The following XPR1 variants were observed in gnomAD, a reference collection of about 807,000 sequenced individuals.
The protein encoded by XPR1 is solute carrier family 53 member 1.
In XPR1, 28 loss-of-function variants were observed where a neutral mutation model predicts 87.5. That is an observed-to-expected ratio of 0.32 (90% confidence interval 0.24 to 0.44). The LOEUF is 0.44. Ranked by LOEUF, XPR1 falls within the 20% of genes least tolerant of loss-of-function variation. The pLI is 1.00. For missense variants in XPR1, 559 were observed against 862.3 expected (o/e 0.65, Z 4.41); for synonymous variants, 300 against 306.1 (o/e 0.98, Z 0.21).
chr1:180,873,455 G>C (rs188202419), intron 12 of XPR1, among the ~76,000 whole-genome samples: 1 of 152,300 alleles, frequency 6.6e-6, no homozygotes, highest in East Asian at 1.9e-4. Flanking sequence ...TACTGTACCT[G>C]TTAGAATGTA....
chr1:180,808,139 A>G (rs1179489477), intron 6 of XPR1, among the ~76,000 whole-genome samples: 4 of 152,240 alleles, frequency 2.6e-5, no homozygotes, highest in Admixed American at 2.6e-4. Flanking sequence ...GTGTCATGGT[A>G]GGCAAATGAT....
rs1248340887 is a variant in XPR1 at position 180,884,859 on chromosome 1, T to C, written c.*793T>C. 6.6e-6 allele frequency: 1 copy of C among 152,536 alleles called. No individual in the cohort carries two copies. The highest frequency in any genetic ancestry group is 1.5e-5 in the Non-Finnish European group (1 of 68,054). 9.4% of individuals were successfully genotyped at this position (152,536 alleles called of 1,614,324 possible). Reference sequence around the variant, plus strand: ...AGTTTGACCTTTTCTTTTCTTTGTTTTTATTTTAAGCCAAAGTTTCATTGC... The same window carrying C: ...AGTTTGACCTTTTCTTTTCTTTGTTCTTATTTTAAGCCAAAGTTTCATTGC... On this transcript the variant is annotated 3_prime_UTR_variant, in exon 15 of 15. Transcript: ENST00000367590.
At chr1:180,860,229 A>G (rs1420740795) in intron 11 of XPR1, among the ~76,000 whole-genome samples, 2 of 152,124 alleles carry the variant, frequency 1.3e-5, no homozygotes, top group Admixed American at 1.3e-4. Context: ...GTTGAAGAAG[A>G]GGAGGAACTA....
chr1:180,846,262 A>T (rs1369420880), intron 11 of XPR1, among the ~76,000 whole-genome samples: 1 of 11,454 alleles, frequency 8.7e-5, no homozygotes, highest in African/African-American at 5.3e-4. Flanking sequence ...ACTTCATCTC[A>T]AAAAAAAAAA....
intron 2 of XPR1, among the ~76,000 whole-genome samples, chr1:180,697,878 C>T (rs918958731): frequency 2.6e-5 from 4 of 151,874 alleles, no homozygotes; most frequent in Non-Finnish European, 5.9e-5. Context: ...ATGGTCTGTC[C>T]TAGAGAATGT....
chr1:180,834,151 G>A (rs111767575), intron 9 of XPR1, among the ~76,000 whole-genome samples: 5,976 of 151,448 alleles, frequency 0.039, 165 homozygotes, highest in Middle Eastern at 0.095. Flanking sequence ...GCATGATCTC[G>A]GCTCAGTGCA....
At chr1:180,854,753 A>G (rs1235714217) in intron 11 of XPR1, among the ~76,000 whole-genome samples, 1 of 152,162 alleles carries the variant, frequency 6.6e-6, no homozygotes, top group Non-Finnish European at 1.5e-5. Flanking sequence ...GGCGGCTGAT[A>G]ATGAGATAAG....
At chr1:180,863,362 A>G (rs1434558084) in intron 11 of XPR1, among the ~76,000 whole-genome samples, 1 of 152,162 alleles carries the variant, frequency 6.6e-6, no homozygotes, top group African/African-American at 2.4e-5. Context: ...CATATTTTGC[A>G]CTAGGCTGCC....
intron 2 of XPR1, among the ~76,000 whole-genome samples, chr1:180,749,541 T>A (rs904957054): frequency 2.6e-5 from 4 of 152,064 alleles, no homozygotes; most frequent in Non-Finnish European, 5.9e-5. Flanking sequence ...CCTGGCTCTA[T>A]GAAGTTACAA....
chr1:180,660,614 T>G (rs1655735339), intron 1 of XPR1, among the ~76,000 whole-genome samples: 1 of 152,244 alleles, frequency 6.6e-6, no homozygotes, highest in Non-Finnish European at 1.5e-5. Context: ...CACTGGTCAT[T>G]CAGGAGCATA....
intron 11 of XPR1, among the ~76,000 whole-genome samples, chr1:180,846,434 T>A (rs1651687881): frequency 7.3e-6 from 1 of 136,408 alleles, no homozygotes; most frequent in Admixed American, 7.4e-5. Context: ...TGTTTTTGTT[T>A]TTGTTTATTT....
chr1:180,711,482 C>T (rs1194084236), intron 2 of XPR1, among the ~76,000 whole-genome samples: 5 of 152,130 alleles, frequency 3.3e-5, no homozygotes, highest in African/African-American at 9.7e-5. Flanking sequence ...GGCATCGCGG[C>T]GCGCGCCTGC....
chr1:180,863,643 A>G (rs957996191), intron 11 of XPR1, 65 bp from the exon 12 acceptor site: 3 of 1,426,756 alleles, frequency 2.1e-6, no homozygotes, highest in South Asian at 3.1e-5. Flanking sequence ...AATTAGTGTT[A>G]TTAATGAAAA....
intron 2 of XPR1, among the ~76,000 whole-genome samples, chr1:180,730,311 T>G (rs1255215129): frequency 6.6e-6 from 1 of 152,206 alleles, no homozygotes; most frequent in Non-Finnish European, 1.5e-5. Context: ...TAGTTTGAAG[T>G]TAGGTAATAG....
chr1:180,877,442 T>C (rs187958426), intron 13 of XPR1, among the ~76,000 whole-genome samples: 2 of 152,306 alleles, frequency 1.3e-5, no homozygotes, highest in East Asian at 3.9e-4. Context: ...AAGAGGGCCT[T>C]TAATAAATGA....
chr1:180,686,283 G>A (rs561894004), intron 2 of XPR1, among the ~76,000 whole-genome samples: 1 of 151,886 alleles, frequency 6.6e-6, no homozygotes, highest in African/African-American at 2.4e-5. Context: ...CAGTTTCCAT[G>A]TAGTTGAGCG....
chr1:180,748,814 G>T (rs1364251916), intron 2 of XPR1, among the ~76,000 whole-genome samples: 1 of 152,204 alleles, frequency 6.6e-6, no homozygotes, highest in Admixed American at 6.5e-5. Flanking sequence ...CATATTGGTA[G>T]CTTGAAATCT....
chr1:180,633,821 C>T (rs1490858533), intron 1 of XPR1, among the ~76,000 whole-genome samples: 42 of 152,200 alleles, frequency 2.8e-4, no homozygotes, highest in Admixed American at 2.7e-3. Flanking sequence ...GGTCTTTCAT[C>T]TTTCTAGTAG....
chr1:180,712,137 T>C (rs1657820669), intron 2 of XPR1, among the ~76,000 whole-genome samples: 1 of 152,180 alleles, frequency 6.6e-6, no homozygotes, highest in Non-Finnish European at 1.5e-5. Flanking sequence ...TTAGGCACAA[T>C]AAGAGACTAA....
Sources: allele counts gnomAD v4.1 joint callset (sites outside exome capture counted in the v4.1 genomes callset), GRCh38; gene constraint gnomAD v4.1.1; transcripts MANE v1.5; gene names NCBI Gene and HGNC (gene_info 2026-07-23, HGNC 2026-07-21).